Variants in PGBD5 observed in about 807,000 individuals in gnomAD.
The protein encoded by PGBD5 is piggyBac transposable element-derived protein 5.
PGBD5 carries 14 observed loss-of-function variants against 47.9 expected under a neutral mutation model. The ratio of observed to expected loss-of-function variants is 0.29; its 90% CI spans 0.19 to 0.46. The LOEUF (loss-of-function observed/expected upper bound fraction) is 0.46, where lower values mean the gene tolerates loss of function less well. PGBD5 is among the 20% of genes least tolerant of loss of function. The pLI is 1.00. For synonymous variants in PGBD5, 316 were observed against 306.3 expected, an observed-to-expected ratio of 1.03 and a Z score of -0.33; for missense variants, 635 against 716.0, an observed-to-expected ratio of 0.89 and a Z score of 1.29.
At chr1:230,388,330 C>T (rs1429059366) in intron 1 of PGBD5, among the ~76,000 whole-genome samples, 1 of 152,116 alleles carries the variant, frequency 6.6e-6, no homozygotes, top group South Asian at 2.1e-4. Flanking sequence ...TTGAGTGAGA[C>T]AGGCACTGCC....
chr1:230,331,257 C>CA (rs543975859), intron 5 of PGBD5, among the ~76,000 whole-genome samples: 3 of 151,788 alleles, frequency 2.0e-5, no homozygotes, highest in East Asian at 1.9e-4. Context: ...ACAAAAAATA[C>CA]AAAAAAACAT....
intron 1 of PGBD5, among the ~76,000 whole-genome samples, chr1:230,373,159 C>T (rs1044966881): frequency 2.6e-5 from 4 of 152,184 alleles, no homozygotes; most frequent in African/African-American, 7.2e-5. Context: ...TCAGCTTTTG[C>T]TCAGGTGCTC....
intron 1 of PGBD5, among the ~76,000 whole-genome samples, chr1:230,380,397 T>C (rs1656421776): frequency 6.6e-6 from 1 of 152,234 alleles, no homozygotes; most frequent in African/African-American, 2.4e-5. Context: ...CTGGGCCCTC[T>C]GGGCAGGGCA....
chr1:230,343,918 A>G (rs1667441899), intron 3 of PGBD5, among the ~76,000 whole-genome samples: 3 of 152,248 alleles, frequency 2.0e-5, no homozygotes, highest in Admixed American at 2.0e-4. Flanking sequence ...AGCTGGATAA[A>G]AGATACTTGG....
At chr1:230,355,512 A>G in intron 2 of PGBD5, among the ~76,000 whole-genome samples, 1 of 152,144 alleles carries the variant, frequency 6.6e-6, no homozygotes, top group East Asian at 1.9e-4. Flanking sequence ...TTCATTTTCA[A>G]CCAAGCAAGT....
At chr1:230,368,312 G>A (rs754073905) in intron 1 of PGBD5, among the ~76,000 whole-genome samples, 7 of 152,264 alleles carry the variant, frequency 4.6e-5, no homozygotes, top group East Asian at 1.9e-4. Flanking sequence ...AAAAGCAACC[G>A]GGAAGAGTGT....
In PGBD5 at chr1:230,317,100, C is replaced by T. The variant is rs536033981; in HGVS notation, c.*6325G>A. Reference sequence around the variant, plus strand: ...CAGCAATGGTGACTGCCACCTCCCCCACACGGGGTCTCGGCCTCTGGCTGG... The same window carrying T: ...CAGCAATGGTGACTGCCACCTCCCCTACACGGGGTCTCGGCCTCTGGCTGG... On this transcript the variant is annotated 3_prime_UTR_variant, in exon 7 of 7. Coordinates refer to ENST00000391860, the MANE Select transcript of PGBD5 (RefSeq NM_001258311.2). 2.6e-5 allele frequency: 4 copies of T among 152,390 alleles called. No individual in the cohort carries two copies. Among genetic ancestry groups the T allele is most frequent in the Admixed American group, 1.3e-4 (2 of 15,308 alleles). The allele number at this position is 152,390 out of a possible 1,614,324, so 9.4% of individuals were successfully genotyped here.
chr1:230,357,602 AC>A lies in PGBD5; in HGVS notation c.332-282del, dbSNP rs1369342884. 3.9e-5 allele frequency among the ~76,000 whole-genome samples: 6 copies of A among 152,016 alleles called. No individual in the cohort carries two copies. Among genetic ancestry groups the A allele is most frequent in the Non-Finnish European group, 7.4e-5 (5 of 68,018 alleles). On this transcript the variant is annotated intron_variant, in intron 1 of 6. Transcript: ENST00000391860. The surrounding 1 kb of genome is among the most constrained non-coding windows in gnomAD (Gnocchi z 5.7). ...GACACCACAGGAACAAACAGCCCTG[AC>A]ACCCGGAGTGCAAGCTGCAGCCTGC...
At chr1:230,332,786 G>C (rs1352611642) in intron 5 of PGBD5, 58 bp downstream of exon 5, 2 of 1,598,328 alleles carry the variant, frequency 1.3e-6, no homozygotes, top group Non-Finnish European at 1.7e-6. Context: ...CGGTGGGCTC[G>C]GCCAAGCTCA....
intron 1 of PGBD5, among the ~76,000 whole-genome samples, chr1:230,406,336 A>ATT: frequency 6.7e-6 from 1 of 149,480 alleles, no homozygotes; most frequent in South Asian, 2.1e-4. Flanking sequence ...AAAAAAAAAG[A>ATT]AATTCTGTTA....
intron 1 of PGBD5, among the ~76,000 whole-genome samples, chr1:230,358,073 T>TTA (rs1456192735): frequency 2.6e-5 from 4 of 151,870 alleles, no homozygotes; most frequent in African/African-American, 9.7e-5. Context: ...GTATAAATGT[T>TTA]TATATATATA....
intron 5 of PGBD5, among the ~76,000 whole-genome samples, chr1:230,330,212 C>T (rs936294700): frequency 6.6e-6 from 1 of 152,194 alleles, no homozygotes; most frequent in African/African-American, 2.4e-5. Context: ...GGGGCATCTT[C>T]ACCTGTCAGA....
intron 1 of PGBD5, among the ~76,000 whole-genome samples, chr1:230,397,909 G>A (rs1001699947): frequency 6.6e-6 from 1 of 152,162 alleles, no homozygotes; most frequent in Non-Finnish European, 1.5e-5. Flanking sequence ...CCCCTACATG[G>A]GCACAGACTC....
chr1:230,383,443 C>T (rs1444846296), intron 1 of PGBD5, among the ~76,000 whole-genome samples: 2 of 152,210 alleles, frequency 1.3e-5, no homozygotes, highest in African/African-American at 2.4e-5. Context: ...CGCATCACTG[C>T]AACCTCAAAC....
chr1:230,375,461 T>A (rs1667996825), intron 1 of PGBD5, among the ~76,000 whole-genome samples: 1 of 152,140 alleles, frequency 6.6e-6, no homozygotes, highest in African/African-American at 2.4e-5. Context: ...CACTGCACTC[T>A]CATCTTCCAA....
chr1:230,405,761 C>A (rs999249295), intron 1 of PGBD5, among the ~76,000 whole-genome samples: 4 of 152,200 alleles, frequency 2.6e-5, no homozygotes, highest in African/African-American at 7.2e-5. Context: ...ACCAATGAGC[C>A]AAACGGTCTT....
chr1:230,375,002 G>T (rs1283403000), intron 1 of PGBD5, among the ~76,000 whole-genome samples: 1 of 152,236 alleles, frequency 6.6e-6, no homozygotes, highest in East Asian at 1.9e-4. Context: ...GCCCCGCTCA[G>T]GGGGTGAAAT....
intron 3 of PGBD5, among the ~76,000 whole-genome samples, 157 bp from the exon 4 acceptor site, chr1:230,337,445 A>T (rs1667345252): frequency 6.6e-6 from 1 of 151,964 alleles, no homozygotes; most frequent in Non-Finnish European, 1.5e-5. Context: ...ACTCTAGGTC[A>T]CCCCCAAGCA....
At chr1:230,416,160 A>T (rs2102753042) in intron 1 of PGBD5, among the ~76,000 whole-genome samples, 2 of 152,224 alleles carry the variant, frequency 1.3e-5, no homozygotes, top group East Asian at 3.9e-4. Flanking sequence ...AGGTTGTAGA[A>T]GCTCAAGACT....
Sources: gnomAD v4.1 joint callset for allele counts (sites outside exome capture counted in the v4.1 genomes callset) on GRCh38, gnomAD v4.1.1 for gene constraint, Gnocchi (gnomAD v3.1) non-coding constraint, MANE v1.5 for transcripts, NCBI Gene and HGNC (gene_info 2026-07-23, HGNC 2026-07-21) for gene names.